Variants in IL22RA2 observed in about 807,000 individuals in gnomAD.
The protein encoded by IL22RA2 is interleukin 22 receptor subunit alpha 2.
A neutral mutation model predicts 30.7 loss-of-function variants in IL22RA2; 39 were observed. That is an observed-to-expected ratio of 1.27 (90% CI 0.98 to 1.66). The LOEUF is 1.66. Among genes scored for constraint, IL22RA2 ranks in the 40% most tolerant of loss-of-function variants. The pLI is 0.00. For missense variants in IL22RA2, 315 were observed against 312.7 expected (o/e 1.01, Z -0.05); for synonymous variants, 103 against 105.0 (o/e 0.98, Z 0.11).
At chr6:137,150,480 A>ATTTTTTTT (rs61381227) in intron 5 of IL22RA2, among the ~76,000 whole-genome samples, 3 of 100,520 alleles carry the variant, frequency 3.0e-5, no homozygotes, top group Non-Finnish European at 5.9e-5. Context: ...TTCTTTTCTG[A>ATTTTTTTT]TTTTTTTTTT....
In IL22RA2 at chr6:137,156,857, A is replaced by G; in HGVS notation, c.198-3T>C. 6.2e-7 allele frequency: 1 copy of G among 1,610,408 alleles called. No homozygotes were observed. The highest frequency in any genetic ancestry group is 2.2e-5 in the East Asian group (1 of 44,812). On this transcript the variant is annotated splice_region_variant and splice_polypyrimidine_tract_variant and intron_variant, in intron 3 of 6. Coordinates refer to ENST00000296980, the MANE Select transcript of IL22RA2 (RefSeq NM_052962.3). ...TTTTCATGCTGCATGAGAACATGCT[A>G]GAGAAGGTCAATGGGGAAAACAGAT...
At chr6:137,153,485 C>A (rs772371654) in intron 5 of IL22RA2, among the ~76,000 whole-genome samples, 1 of 152,136 alleles carries the variant, frequency 6.6e-6, no homozygotes, top group Non-Finnish European at 1.5e-5. Flanking sequence ...GTGGGAGGGG[C>A]AACTCTGACT....
At chr6:137,148,540 G>A (rs1340025648) in intron 5 of IL22RA2, among the ~76,000 whole-genome samples, 2 of 152,202 alleles carry the variant, frequency 1.3e-5, no homozygotes, top group African/African-American at 4.8e-5. Flanking sequence ...AATGCCTTCA[G>A]GGCAGCTGGG....
At chr6:137,159,565 C>T (rs963671149) in intron 2 of IL22RA2, among the ~76,000 whole-genome samples, 7 of 152,212 alleles carry the variant, frequency 4.6e-5, no homozygotes, top group East Asian at 1.9e-4. Flanking sequence ...TCAAGTGATC[C>T]GCCCACCTCG....
intron 5 of IL22RA2, among the ~76,000 whole-genome samples, chr6:137,152,107 G>T (rs1778304394): frequency 6.6e-6 from 1 of 152,036 alleles, no homozygotes; most frequent in South Asian, 2.1e-4. Context: ...TTGGTACTTG[G>T]GAGGCTGAGG....
chr6:137,160,213 A>G (rs1006514195), intron 2 of IL22RA2, among the ~76,000 whole-genome samples: 1 of 152,222 alleles, frequency 6.6e-6, no homozygotes, highest in Non-Finnish European at 1.5e-5. Context: ...TAATGCCCTT[A>G]ATCTCTCTGT....
rs371614050 is a variant in IL22RA2 at position 137,159,953 on chromosome 6, C to G, written c.62-1471G>C. Among the ~76,000 whole-genome samples the G allele has an allele frequency of 3.3e-5, 5 of 152,220 alleles. No homozygotes were observed. In the East Asian group the frequency reaches 5.8e-4, roughly 18 times the overall value. On this transcript the variant is annotated intron_variant, in intron 2 of 6. Coordinates refer to ENST00000296980, the MANE Select transcript of IL22RA2 (RefSeq NM_052962.3). ...TCCTCAGGCCTTTCTTCTTACCAAC[C>G]AAATAGTGTGAATACTGTTATTTGT...
intron 5 of IL22RA2, among the ~76,000 whole-genome samples, chr6:137,153,203 T>C (rs1275823217): frequency 4.6e-5 from 7 of 152,158 alleles, no homozygotes; most frequent in Non-Finnish European, 1.0e-4. Context: ...ACATTGCTTA[T>C]GACAAAGAAC....
chr6:137,165,182 G>A (rs534763868), intron 1 of IL22RA2, among the ~76,000 whole-genome samples: 3 of 152,280 alleles, frequency 2.0e-5, no homozygotes, highest in South Asian at 2.1e-4. Context: ...TGGAATAAAC[G>A]CTGGAGAGAA....
chr6:137,173,126 C>A (rs763329089), intron 1 of IL22RA2, among the ~76,000 whole-genome samples: 2 of 152,204 alleles, frequency 1.3e-5, no homozygotes, highest in Non-Finnish European at 2.9e-5. Flanking sequence ...AATCTCAGCA[C>A]TTTGGAAGGC....
intron 5 of IL22RA2, among the ~76,000 whole-genome samples, chr6:137,153,965 G>A (rs1778345314): frequency 6.6e-6 from 1 of 152,146 alleles, no homozygotes; most frequent in Non-Finnish European, 1.5e-5. Flanking sequence ...TTGCAATTAT[G>A]AGGACTGTGG....
At chr6:137,172,686 G>A (rs899155727) in intron 1 of IL22RA2, among the ~76,000 whole-genome samples, 6 of 152,200 alleles carry the variant, frequency 3.9e-5, no homozygotes, top group African/African-American at 2.4e-5. Context: ...CCACCTTGAC[G>A]GTGACAACGG....
rs544403299 is a variant in IL22RA2 at position 137,154,940 on chromosome 6, C to A, written c.472+1G>T. On this transcript the variant is annotated splice_donor_variant, in intron 5 of 6. Coordinates refer to ENST00000296980, the MANE Select transcript of IL22RA2 (RefSeq NM_052962.3). LOFTEE classifies it high-confidence loss of function. ...GGGCAAAGAAACTCCATGGAACTCA[C>A]TTTCCCACCAGGGAGTGAACCGCGG... 2 of 1,613,962 alleles carry A rather than the reference C, an allele frequency of 1.2e-6. No homozygotes were observed. Among genetic ancestry groups the A allele is most frequent in the African/African-American group, 2.7e-5 (2 of 75,034 alleles).
At chr6:137,159,440 C>A (rs1232582530) in intron 2 of IL22RA2, among the ~76,000 whole-genome samples, 2 of 152,118 alleles carry the variant, frequency 1.3e-5, no homozygotes, top group Non-Finnish European at 1.5e-5. Context: ...CCTGCCTCAG[C>A]CTCCTGAGTA....
intron 1 of IL22RA2, among the ~76,000 whole-genome samples, chr6:137,169,690 G>A (rs1778693944): frequency 6.6e-6 from 1 of 152,184 alleles, no homozygotes; most frequent in African/African-American, 2.4e-5. Flanking sequence ...CACATCATAA[G>A]GTTGCAAGCA....
At chr6:137,148,064 A>G (rs1000629937) in intron 5 of IL22RA2, among the ~76,000 whole-genome samples, 173 bp from the exon 6 acceptor site, 1 of 152,200 alleles carries the variant, frequency 6.6e-6, no homozygotes, top group African/African-American at 2.4e-5. Flanking sequence ...GCATAGTGAA[A>G]CCCATGTCAA....
At position 137,144,912 on chromosome 6, in the gene IL22RA2, C is replaced by T. The variant is rs560290755; in HGVS notation, c.*712G>A. 8 of 152,014 alleles carry T rather than the reference C, an allele frequency of 5.3e-5. No individual in the cohort carries two copies. Among genetic ancestry groups the T allele is most frequent in the Non-Finnish European group, 8.8e-5 (6 of 67,976 alleles). The allele number at this position is 152,014 out of a possible 1,614,324, so 9.4% of individuals were successfully genotyped here. ...AACAAAAACAAACAGAAAAGAAAAGCTTAATATATCTTTTAAATGAGGGAC... is the reference window on the plus strand; with the variant it reads ...AACAAAAACAAACAGAAAAGAAAAGTTTAATATATCTTTTAAATGAGGGAC... On this transcript the variant is annotated 3_prime_UTR_variant, in exon 7 of 7. Transcript: ENST00000296980.
intron 5 of IL22RA2, among the ~76,000 whole-genome samples, chr6:137,149,896 G>C (rs1010260152): frequency 5.9e-5 from 9 of 152,114 alleles, no homozygotes; most frequent in Admixed American, 4.6e-4. Flanking sequence ...TGCTTGAAAT[G>C]CTCTATTCTT....
chr6:137,171,906 A>G (rs557775644), intron 1 of IL22RA2, among the ~76,000 whole-genome samples: 5 of 152,318 alleles, frequency 3.3e-5, no homozygotes, highest in African/African-American at 1.2e-4. Context: ...CCAGGCTTGT[A>G]TCTCCTCCAG....
Sources: allele counts gnomAD v4.1 joint callset (sites outside exome capture counted in the v4.1 genomes callset), GRCh38; gene constraint gnomAD v4.1.1; transcripts MANE v1.5; gene names NCBI Gene and HGNC (gene_info 2026-07-23, HGNC 2026-07-21).